PACSIN1: variants seen among roughly 807,000 people sequenced by gnomAD.
The protein encoded by PACSIN1 is protein kinase C and casein kinase substrate in neurons protein 1.
In PACSIN1, 15 loss-of-function variants were observed where a neutral mutation model predicts 59.5. The ratio of observed to expected loss-of-function variants is 0.25; its 90% CI spans 0.17 to 0.39. The LOEUF is 0.39. Among genes scored for constraint, PACSIN1 ranks in the 10% least tolerant of loss-of-function variants. The probability of loss-of-function intolerance (pLI) is 1.00; values close to 1 mark genes in which losing one functional copy is unlikely to be tolerated. For missense variants in PACSIN1, 420 were observed against 580.2 expected, an observed-to-expected ratio of 0.72 and a Z score of 2.84; for synonymous variants, 210 against 220.6, an observed-to-expected ratio of 0.95 and a Z score of 0.42.
Position 34,518,027 on chromosome 6 carries a change from C to A in PACSIN1, c.-63-8216C>A, listed in dbSNP as rs1346213897. On this transcript the variant is annotated intron_variant, in intron 1 of 9. Coordinates refer to ENST00000244458, the MANE Select transcript of PACSIN1 (RefSeq NM_020804.5). The surrounding 1 kb of genome is among the most constrained non-coding windows in gnomAD (Gnocchi z 4.4). ...CACAGGGGAAGATGATGCCCACCTACCTGAGCCATTGCCTCAGGGACATTG... is the reference window on the plus strand; with the variant it reads ...CACAGGGGAAGATGATGCCCACCTAACTGAGCCATTGCCTCAGGGACATTG... Among the ~76,000 whole-genome samples, 2 of 152,210 alleles carry A rather than the reference C, an allele frequency of 1.3e-5. No homozygotes were observed. The highest frequency in any genetic ancestry group is 1.3e-4 in the Admixed American group (2 of 15,286).
chr6:34,519,338 C>A (rs542868571), intron 1 of PACSIN1, among the ~76,000 whole-genome samples: 3 of 152,284 alleles, frequency 2.0e-5, no homozygotes, highest in African/African-American at 7.2e-5. Context: ...CCTTCCTCCT[C>A]AACTTGGGAT....
rs532657440 is a variant in PACSIN1, at chr6:34,480,886, G to A, written c.-64+14616G>A. 1.1e-3 allele frequency among the ~76,000 whole-genome samples: 172 copies of A among 151,692 alleles called. 1 individual carries two copies. Among genetic ancestry groups the A allele is most frequent in the African/African-American group, 4.1e-3 (168 of 41,398 alleles). On this transcript the variant is annotated intron_variant, in intron 1 of 9. Transcript: ENST00000244458. ...ATCCCAGTGGTCCACATTCTTGCAG[G>A]TATGTGGTTACTAGCAGACTTTTTT...
In PACSIN1 at chr6:34,531,693, C is replaced by T. The variant is rs2127276511; in HGVS notation, c.1131C>T (p.Gly377=). ...TTGGGGGCAGTGAGACCAACGGGGG[C>T]GCCAACCCCTTTGAGGACGACTCCA... is the stretch of plus-strand genomic sequence containing the variant. ...NPFGGSETNG[G]ANPFEDDSKG... Residue 377 remains glycine (G), a synonymous_variant, in exon 9 of 10, where the codon GGC becomes GGT. Coordinates refer to ENST00000244458, the MANE Select transcript of PACSIN1 (RefSeq NM_020804.5). The surrounding 1 kb of genome is among the most constrained non-coding windows in gnomAD (Gnocchi z 4.4). The T allele has an allele frequency of 6.2e-7, 1 of 1,613,282 alleles. No individual in the cohort carries two copies. Among genetic ancestry groups the T allele is most frequent in the Non-Finnish European group, 8.5e-7 (1 of 1,179,726 alleles).
chr6:34,481,001 G>T (rs1420105743), intron 1 of PACSIN1, among the ~76,000 whole-genome samples: 1 of 150,920 alleles, frequency 6.6e-6, no homozygotes. Flanking sequence ...ATTATTCTCA[G>T]TAATGCTCAA....
chr6:34,472,247 G>A (rs59333622), intron 1 of PACSIN1, among the ~76,000 whole-genome samples: 29,498 of 135,128 alleles, frequency 0.22, 3,366 homozygotes, highest in Middle Eastern at 0.37. Flanking sequence ...ACTCCAGCCT[G>A]GGAGACAGAG....
intron 1 of PACSIN1, among the ~76,000 whole-genome samples, chr6:34,510,171 G>A (rs751400348): frequency 9.9e-5 from 15 of 152,208 alleles, no homozygotes; most frequent in Non-Finnish European, 2.1e-4. Flanking sequence ...ATTCTTGGAC[G>A]TGCGTTTTCA....
chr6:34,520,371 A>C (rs138006412), intron 1 of PACSIN1, among the ~76,000 whole-genome samples: 2,064 of 152,256 alleles, frequency 0.014, 17 homozygotes, highest in African/African-American at 0.017. Context: ...TGGTTTCCCC[A>C]TGTCCCTGTC....
intron 1 of PACSIN1, among the ~76,000 whole-genome samples, chr6:34,502,823 A>AC (rs1767045255): frequency 6.6e-6 from 1 of 152,128 alleles, no homozygotes; most frequent in African/African-American, 2.4e-5. Flanking sequence ...GAGAAGAGCC[A>AC]CCCAGCTGAG....
Position 34,527,785 on chromosome 6 carries a change from G to A in PACSIN1, c.220+297G>A, listed in dbSNP as rs1767517315. 3 of 250,108 alleles carry A rather than the reference G, an allele frequency of 1.2e-5. No homozygotes were observed. The South Asian group carries it at 4.2e-4, about 35-fold the overall frequency. 15.5% of individuals were successfully genotyped at this position (250,108 alleles called of 1,614,324 possible). On this transcript the variant is annotated intron_variant, in intron 3 of 9. Transcript: ENST00000244458. ...TACATACCCTTCCCCCAGGCTCACT[G>A]GCCCCACGTTTTCTCACTGACTGTT...
At chr6:34,501,848 G>A (rs1767029218) in intron 1 of PACSIN1, among the ~76,000 whole-genome samples, 1 of 152,010 alleles carries the variant, frequency 6.6e-6, no homozygotes, top group Non-Finnish European at 1.5e-5. Flanking sequence ...GGCTAACATG[G>A]TGAAACCCCA....
chr6:34,522,181 G>C (rs1767405431), intron 1 of PACSIN1, among the ~76,000 whole-genome samples: 1 of 152,232 alleles, frequency 6.6e-6, no homozygotes, highest in Admixed American at 6.5e-5. Context: ...GGGGAATGAG[G>C]CTCAGCAGGG....
intron 1 of PACSIN1, among the ~76,000 whole-genome samples, chr6:34,483,378 T>C (rs1766748582): frequency 6.6e-6 from 1 of 152,134 alleles, no homozygotes; most frequent in Admixed American, 6.5e-5. Context: ...CAAAGGACCT[T>C]GGGATGTAGG....
At chr6:34,468,700 C>A (rs1418397444) in intron 1 of PACSIN1, among the ~76,000 whole-genome samples, 1 of 152,208 alleles carries the variant, frequency 6.6e-6, no homozygotes, top group Non-Finnish European at 1.5e-5. Flanking sequence ...CCTTTTTCCT[C>A]CAGAAGCTTC....
At position 34,521,773 on chromosome 6, in the gene PACSIN1, G is replaced by C. The variant is rs1458842207; in HGVS notation, c.-63-4470G>C. Among the ~76,000 whole-genome samples, 1 of 151,816 alleles carries C rather than the reference G, an allele frequency of 6.6e-6. No homozygotes were observed. The highest frequency in any genetic ancestry group is 2.4e-5 in the African/African-American group (1 of 41,292). ...CCTGTGGAGAGCTCGCCGTGTGTCA[G>C]GCGCGGTCCAGTGGCCCGAGGTCTA... On this transcript the variant is annotated intron_variant, in intron 1 of 9. Transcript: ENST00000244458. This position sits in a 1 kb window ranked among gnomAD's most constrained non-coding sequence, Gnocchi z 4.3.
intron 2 of PACSIN1, among the ~76,000 whole-genome samples, chr6:34,526,808 T>A (rs1009558307): frequency 6.6e-6 from 1 of 152,272 alleles, no homozygotes; most frequent in East Asian, 1.9e-4. Flanking sequence ...GCCAGCATTT[T>A]CAGAACCTTC....
At chr6:34,491,376 C>T (rs1766874265) in intron 1 of PACSIN1, among the ~76,000 whole-genome samples, 1 of 152,136 alleles carries the variant, frequency 6.6e-6, no homozygotes, top group South Asian at 2.1e-4. Flanking sequence ...GGTCCCTTCC[C>T]TGCTACCTGC....
intron 1 of PACSIN1, among the ~76,000 whole-genome samples, chr6:34,503,605 G>C (rs1767060737): frequency 6.6e-6 from 1 of 152,164 alleles, no homozygotes; most frequent in South Asian, 2.1e-4. Context: ...ATGTGGGCTA[G>C]GGGTGCTCAC....
Position 34,532,929 on chromosome 6 carries a change from C to G in PACSIN1, c.*399C>G, listed in dbSNP as rs1416660054. 6.0e-6 allele frequency: 1 copy of G among 166,334 alleles called. No homozygotes were observed. Among genetic ancestry groups the G allele is most frequent in the Admixed American group, 6.2e-5 (1 of 16,244 alleles). 10.3% of individuals were successfully genotyped at this position (166,334 alleles called of 1,614,324 possible). A position where few individuals can be genotyped will look rare whatever the true frequency, so the allele number is the denominator to read the frequency against. ...CCATTCCCTGGCCTGGTTTCCTAAC[C>G]TCTTCTTCCTCCCCTGCCCTGCTTC... On this transcript the variant is annotated 3_prime_UTR_variant, in exon 10 of 10. Coordinates refer to ENST00000244458, the MANE Select transcript of PACSIN1 (RefSeq NM_020804.5). This position sits in a 1 kb window ranked among gnomAD's most constrained non-coding sequence, Gnocchi z 5.2.
intron 1 of PACSIN1, among the ~76,000 whole-genome samples, chr6:34,505,626 C>T (rs1417844618): frequency 7.8e-6 from 1 of 127,682 alleles, no homozygotes; most frequent in Admixed American, 1.0e-4. Context: ...TCTCTTACCT[C>T]CATACTTTTT....
Sources: gnomAD v4.1 joint callset for allele counts (sites outside exome capture counted in the v4.1 genomes callset) on GRCh38, gnomAD v4.1.1 for gene constraint, Gnocchi (gnomAD v3.1) non-coding constraint, MANE v1.5 for transcripts, NCBI Gene and HGNC (gene_info 2026-07-23, HGNC 2026-07-21) for gene names.